FNIP1: variants seen among roughly 807,000 people sequenced by gnomAD.
FNIP1 encodes folliculin-interacting protein 1.
Under a neutral mutation model 124.5 loss-of-function variants are expected in FNIP1, and 40 were observed. The observed-to-expected ratio is 0.32, with a 90% CI of 0.25 to 0.42. The LOEUF (loss-of-function observed/expected upper bound fraction) is 0.42. Among genes scored for constraint, FNIP1 ranks in the 10% least tolerant of loss-of-function variants. The pLI, the probability that FNIP1 is intolerant of heterozygous loss-of-function variation, is 1.00. For missense variants in FNIP1, 1,176 were observed against 1,403.7 expected, an observed-to-expected ratio of 0.84 and a Z score of 2.59; for synonymous variants, 472 against 470.6, an observed-to-expected ratio of 1.00 and a Z score of -0.04.
chr5:131,711,828 T>G lies in FNIP1; in HGVS notation c.623-1167A>C, dbSNP rs377286916. On this transcript the variant is annotated intron_variant, in intron 6 of 17. Coordinates refer to ENST00000510461, the MANE Select transcript of FNIP1 (RefSeq NM_133372.3). ...GTTTTCAAATTGCTAACAGATATTATTTTTCTGTAGCAAGAACTTCTATAA... is the reference window on the plus strand; with the variant it reads ...GTTTTCAAATTGCTAACAGATATTAGTTTTCTGTAGCAAGAACTTCTATAA... Among the ~76,000 whole-genome samples, 13 of 152,332 alleles carry G rather than the reference T, an allele frequency of 8.5e-5. No homozygotes were observed. The East Asian group carries it at 1.2e-3, about 14-fold the overall frequency.
chr5:131,643,485 T>C lies in FNIP1; in HGVS notation c.*1200A>G, dbSNP rs192050976. The C allele has an allele frequency of 3.2e-3, 494 of 152,870 alleles. 3 individuals carry two copies. The highest frequency in any genetic ancestry group is 0.011 in the African/African-American group (468 of 41,562). The allele number at this position is 152,870 out of a possible 1,614,324, so 9.5% of individuals were successfully genotyped here. A position where few individuals can be genotyped will look rare whatever the true frequency, so the allele number is the denominator to read the frequency against. On this transcript the variant is annotated 3_prime_UTR_variant, in exon 18 of 18. Coordinates refer to ENST00000510461, the MANE Select transcript of FNIP1 (RefSeq NM_133372.3). ...AAGTAAACTGAGGTAGTAGAAAGTA[T>C]TGAAAACTTTATCCACCCACCTTTC...
chr5:131,779,687 C>CAAAAAAAAAAA (rs760567468), intron 1 of FNIP1, among the ~76,000 whole-genome samples: 1 of 59,610 alleles, frequency 1.7e-5, no homozygotes. Context: ...GATTCTGTTT[C>CAAAAAAAAAAA]AAAAAAAAAA....
At chr5:131,772,752 G>C (rs531514302) in intron 1 of FNIP1, among the ~76,000 whole-genome samples, 1 of 152,230 alleles carries the variant, frequency 6.6e-6, no homozygotes, top group East Asian at 1.9e-4. Context: ...ATGGATCGCT[G>C]TTTCCCATCT....
At chr5:131,731,646 A>C (rs1254793035) in intron 2 of FNIP1, among the ~76,000 whole-genome samples, 1 of 151,922 alleles carries the variant, frequency 6.6e-6, no homozygotes, top group Non-Finnish European at 1.5e-5. Flanking sequence ...TGTTTCAAAA[A>C]AAAAAACAAA....
chr5:131,779,147 TA>T (rs78900804), intron 1 of FNIP1, among the ~76,000 whole-genome samples: 2,074 of 122,640 alleles, frequency 0.017, 23 homozygotes, highest in African/African-American at 0.046. Context: ...AAAGTATAAT[TA>T]AAAAAAAAAA....
chr5:131,667,079 G>A (rs1285116800), intron 15 of FNIP1, among the ~76,000 whole-genome samples: 3 of 152,286 alleles, frequency 2.0e-5, no homozygotes, highest in East Asian at 3.9e-4. Flanking sequence ...TTACCCTGAA[G>A]GGCATCCATA....
At chr5:131,680,486 T>G (rs138681899) in intron 11 of FNIP1, among the ~76,000 whole-genome samples, 1 of 152,230 alleles carries the variant, frequency 6.6e-6, no homozygotes, top group Non-Finnish European at 1.5e-5. Flanking sequence ...TATGAAAATG[T>G]TTGTTTTTAA....
intron 11 of FNIP1, among the ~76,000 whole-genome samples, chr5:131,684,831 G>C (rs769403882): frequency 6.6e-6 from 1 of 152,154 alleles, no homozygotes; most frequent in African/African-American, 2.4e-5. Context: ...CACAAAGCTT[G>C]TGACTGCAGA....
chr5:131,774,543 T>C (rs760934556), intron 1 of FNIP1, among the ~76,000 whole-genome samples: 1 of 152,220 alleles, frequency 6.6e-6, no homozygotes, highest in Non-Finnish European at 1.5e-5. Flanking sequence ...GAAAAATTCA[T>C]TCACAAAGGT....
At chr5:131,771,068 C>A (rs1046843478) in intron 1 of FNIP1, among the ~76,000 whole-genome samples, 7 of 152,132 alleles carry the variant, frequency 4.6e-5, no homozygotes, top group Non-Finnish European at 8.8e-5. Context: ...AGGTATATCT[C>A]CCAACGCTAT....
At chr5:131,655,299 T>C (rs1312808768) in intron 15 of FNIP1, among the ~76,000 whole-genome samples, 1 of 152,104 alleles carries the variant, frequency 6.6e-6, no homozygotes, top group African/African-American at 2.4e-5. Context: ...TTGAGCCCAG[T>C]AGTTCGAGAG....
chr5:131,759,083 C>T (rs756298363), intron 1 of FNIP1, among the ~76,000 whole-genome samples: 71 of 151,846 alleles, frequency 4.7e-4, no homozygotes, highest in Middle Eastern at 3.4e-3. Flanking sequence ...ACTTTTTAAC[C>T]GTATAAAAAA....
chr5:131,681,794 A>G (rs1213516595), intron 11 of FNIP1, among the ~76,000 whole-genome samples: 2 of 151,532 alleles, frequency 1.3e-5, no homozygotes, highest in African/African-American at 4.8e-5. Context: ...TCCAGAGAGA[A>G]AACAGAATAA....
At chr5:131,697,923 C>G (rs1029439778) in intron 11 of FNIP1, among the ~76,000 whole-genome samples, 2 of 139,238 alleles carry the variant, frequency 1.4e-5, no homozygotes, top group African/African-American at 5.4e-5. Context: ...GAGGCAAGAT[C>G]ACGCCACTGC....
At chr5:131,790,215 G>T (rs1485255319) in intron 1 of FNIP1, among the ~76,000 whole-genome samples, 1 of 152,196 alleles carries the variant, frequency 6.6e-6, no homozygotes, top group African/African-American at 2.4e-5. Context: ...TATAAAGTGT[G>T]TGTTCTGACA....
At position 131,702,890 on chromosome 5, in the gene FNIP1, T is replaced by A. The variant is rs200370434; in HGVS notation, c.1116+1175A>T. Among the ~76,000 whole-genome samples the A allele has an allele frequency of 2.0e-5, 3 of 152,320 alleles. No individual in the cohort carries two copies. The East Asian group carries it at 5.8e-4, about 29-fold the overall frequency. ...CTTCGCCTCTGCTGGTTCCTTCTCA[T>A]CTCGTCAAACTCTTAATGTTAAAAT... On this transcript the variant is annotated intron_variant, in intron 10 of 17. Coordinates refer to ENST00000510461, the MANE Select transcript of FNIP1 (RefSeq NM_133372.3).
chr5:131,769,626 G>T (rs1280861373), intron 1 of FNIP1, among the ~76,000 whole-genome samples: 1 of 152,186 alleles, frequency 6.6e-6, no homozygotes, highest in Non-Finnish European at 1.5e-5. Context: ...TCTCCATGCT[G>T]CAATGCAAAA....
intron 3 of FNIP1, among the ~76,000 whole-genome samples, chr5:131,724,179 T>C (rs1769774808): frequency 6.6e-6 from 1 of 152,232 alleles, no homozygotes; most frequent in African/African-American, 2.4e-5. Context: ...TATGTATCCA[T>C]GTGTCTTTAT....
chr5:131,756,633 A>T (rs566926210), intron 1 of FNIP1, among the ~76,000 whole-genome samples: 4 of 152,302 alleles, frequency 2.6e-5, no homozygotes, highest in African/African-American at 9.6e-5. Context: ...TTAATGAGGT[A>T]GGGAAAATGA....
Sources: allele counts gnomAD v4.1 joint callset (sites outside exome capture counted in the v4.1 genomes callset), GRCh38; gene constraint gnomAD v4.1.1; transcripts MANE v1.5; gene names NCBI Gene and HGNC (gene_info 2026-07-23, HGNC 2026-07-21).